ANKRD55: variants seen among roughly 807,000 people sequenced by gnomAD.
ANKRD55 encodes ankyrin repeat domain-containing protein 55.
In ANKRD55, 41 loss-of-function variants were observed where a neutral mutation model predicts 60.6. That is an observed-to-expected ratio of 0.68 (90% confidence interval 0.53 to 0.88). ANKRD55 has a LOEUF of 0.88. ANKRD55 is among the 40% of genes least tolerant of loss of function. ANKRD55 has a pLI of 0.00. For synonymous variants in ANKRD55, 264 were observed against 290.3 expected (o/e 0.91, Z 0.92); for missense variants, 732 against 767.6 (o/e 0.95, Z 0.55).
At chr5:56,159,449 G>A (rs1266821612) in intron 6 of ANKRD55, among the ~76,000 whole-genome samples, 4 of 151,066 alleles carry the variant, frequency 2.6e-5, no homozygotes, top group African/African-American at 9.7e-5. Context: ...CAACAAGAGC[G>A]AAACTCCATC....
At chr5:56,146,398 C>A (rs919947976) in intron 6 of ANKRD55, among the ~76,000 whole-genome samples, 1 of 151,934 alleles carries the variant, frequency 6.6e-6, no homozygotes, top group East Asian at 1.9e-4. Flanking sequence ...GATTCTCCTA[C>A]CTCAGCCTCC....
At chr5:56,131,662 G>A (rs1757416523) in intron 7 of ANKRD55, among the ~76,000 whole-genome samples, 1 of 151,648 alleles carries the variant, frequency 6.6e-6, no homozygotes, top group South Asian at 2.1e-4. Context: ...CGGGTGTGGT[G>A]GTGCGTGCCT....
chr5:56,117,547 A>G (rs901154045), intron 8 of ANKRD55, among the ~76,000 whole-genome samples: 1 of 152,184 alleles, frequency 6.6e-6, no homozygotes, highest in Non-Finnish European at 1.5e-5. Flanking sequence ...TTCGCCTCCC[A>G]GGTTCAAGCG....
chr5:56,211,797 T>C (rs1178981357), intron 2 of ANKRD55, among the ~76,000 whole-genome samples: 2 of 152,164 alleles, frequency 1.3e-5, no homozygotes, highest in African/African-American at 4.8e-5. Flanking sequence ...ATACTCACTG[T>C]AGCAAAAATA....
intron 6 of ANKRD55, among the ~76,000 whole-genome samples, chr5:56,148,145 A>G (rs929801665): frequency 6.6e-5 from 10 of 152,270 alleles, no homozygotes; most frequent in Non-Finnish European, 1.0e-4. Flanking sequence ...ATTGCAGCTT[A>G]TCAAAGATCA....
intron 6 of ANKRD55, among the ~76,000 whole-genome samples, chr5:56,151,410 G>T (rs1311135595): frequency 6.6e-6 from 1 of 152,024 alleles, no homozygotes; most frequent in Non-Finnish European, 1.5e-5. Context: ...AAATAAATTG[G>T]ATAGCTGAGT....
intron 6 of ANKRD55, among the ~76,000 whole-genome samples, chr5:56,148,847 G>A (rs1757964541): frequency 6.6e-6 from 1 of 151,948 alleles, no homozygotes; most frequent in African/African-American, 2.4e-5. Context: ...GGGTGGGGTG[G>A]TGGAGGGGGA....
At chr5:56,131,720 C>T (rs971257545) in intron 7 of ANKRD55, among the ~76,000 whole-genome samples, 4 of 138,622 alleles carry the variant, frequency 2.9e-5, no homozygotes, top group Admixed American at 2.3e-4. Flanking sequence ...CGCTTGAACC[C>T]GGGAGGCAGA....
chr5:56,126,453 C>G (rs1259928318), intron 8 of ANKRD55, among the ~76,000 whole-genome samples: 2 of 152,144 alleles, frequency 1.3e-5, no homozygotes, highest in Non-Finnish European at 2.9e-5. Flanking sequence ...GACAATACAT[C>G]TTTGATGATC....
At chr5:56,128,792 T>A (rs1757339164) in intron 7 of ANKRD55, among the ~76,000 whole-genome samples, 1 of 152,208 alleles carries the variant, frequency 6.6e-6, no homozygotes, top group South Asian at 2.1e-4. Flanking sequence ...AAATTTGCCC[T>A]CTGTCACGGC....
intron 11 of ANKRD55, among the ~76,000 whole-genome samples, chr5:56,101,654 A>G (rs1418764854): frequency 1.3e-5 from 2 of 152,190 alleles, no homozygotes; most frequent in Non-Finnish European, 2.9e-5. Flanking sequence ...CAAACACCCC[A>G]GGTAATACTT....
intron 4 of ANKRD55, among the ~76,000 whole-genome samples, chr5:56,172,506 G>A (rs76892868): frequency 0.033 from 5,083 of 152,214 alleles, 299 homozygotes; most frequent in African/African-American, 0.12. Context: ...TTTGGTGGGG[G>A]AAAGTTTGAA....
At chr5:56,101,141 G>A (rs1170240115) in intron 11 of ANKRD55, among the ~76,000 whole-genome samples, 3 of 152,180 alleles carry the variant, frequency 2.0e-5, no homozygotes, top group Non-Finnish European at 4.4e-5. Flanking sequence ...TTTACCTAAA[G>A]AGTTCTAGAG....
chr5:56,217,679 A>G (rs1324813844), intron 2 of ANKRD55, among the ~76,000 whole-genome samples: 21 of 152,114 alleles, frequency 1.4e-4, no homozygotes, highest in Non-Finnish European at 1.5e-5. Context: ...TGTATCATGA[A>G]GTCAGGAGAT....
chr5:56,118,940 T>A (rs1292605173), intron 8 of ANKRD55, among the ~76,000 whole-genome samples: 1 of 152,194 alleles, frequency 6.6e-6, no homozygotes, highest in Non-Finnish European at 1.5e-5. Context: ...GGTGAAGATA[T>A]GGAGCAACTG....
chr5:56,110,316 T>C (rs1756643705), intron 10 of ANKRD55, among the ~76,000 whole-genome samples: 1 of 150,078 alleles, frequency 6.7e-6, no homozygotes, highest in South Asian at 2.1e-4. Flanking sequence ...GGGGGATCGC[T>C]TGAACCCAGG....
intron 2 of ANKRD55, among the ~76,000 whole-genome samples, chr5:56,210,813 G>A (rs1759653503): frequency 6.6e-6 from 1 of 152,050 alleles, no homozygotes; most frequent in African/African-American, 2.4e-5. Flanking sequence ...ATTTGATATT[G>A]AATTGTACTT....
intron 2 of ANKRD55, among the ~76,000 whole-genome samples, chr5:56,192,038 A>T (rs539490987): frequency 2.0e-4 from 30 of 152,238 alleles, no homozygotes; most frequent in African/African-American, 6.7e-4. Context: ...GACAATCAGA[A>T]ACCCACTTAT....
At chr5:56,131,752 C>A (rs1460508346) in intron 7 of ANKRD55, among the ~76,000 whole-genome samples, 13 of 135,204 alleles carry the variant, frequency 9.6e-5, no homozygotes, top group Admixed American at 6.6e-4. Flanking sequence ...GCCGAGATCG[C>A]GCCATTGCAC....
Sources: allele counts gnomAD v4.1 joint callset (sites outside exome capture counted in the v4.1 genomes callset), GRCh38; gene constraint gnomAD v4.1.1; transcripts MANE v1.5; gene names NCBI Gene and HGNC (gene_info 2026-07-23, HGNC 2026-07-21).